Variants in EMSY observed in about 807,000 individuals in gnomAD.
The protein encoded by EMSY is BRCA2-interacting transcriptional repressor EMSY.
EMSY carries 26 observed loss-of-function variants against 134.6 expected under a neutral mutation model. The ratio of observed to expected loss-of-function variants is 0.19; its 90% confidence interval spans 0.14 to 0.27. The LOEUF is 0.27. EMSY is among the 10% of genes least tolerant of loss of function. The probability of loss-of-function intolerance (pLI) is 1.00; values close to 1 mark genes in which losing one functional copy is unlikely to be tolerated. For missense variants in EMSY, 1,305 were observed against 1,611.4 expected, an observed-to-expected ratio of 0.81 and a Z score of 3.26; for synonymous variants, 579 against 577.8, an observed-to-expected ratio of 1.00 and a Z score of -0.03.
intron 4 of EMSY, 66 bp downstream of exon 5, chr11:76,454,856 A>G (rs965104346): frequency 3.4e-5 from 39 of 1,160,888 alleles, no homozygotes; most frequent in Middle Eastern, 2.0e-4. Flanking sequence ...GAAGCTCTCA[A>G]TTATTCAGGG....
chr11:76,539,613 G>A (rs762068847), exon 17 of EMSY: 2 of 1,613,904 alleles, frequency 1.2e-6, no homozygotes, highest in Non-Finnish European at 8.5e-7. Context: ...CACTGATGAG[G>A]GGACAGAGGT....
intron 7 of EMSY, among the ~76,000 whole-genome samples, chr11:76,472,228 A>C (rs1035373524): frequency 3.3e-5 from 5 of 152,166 alleles, no homozygotes; most frequent in African/African-American, 1.2e-4. Context: ...GTGCTCAATA[A>C]ATATTTATAA....
chr11:76,463,691 A>G lies in EMSY; in HGVS notation c.572-130A>G, dbSNP rs1464822086. ...TCAGAGACCACTTCTCTGAGGGAAG[A>G]TTGATAGAACTTATTGGCTAATGGC... On this transcript the variant is annotated intron_variant, in intron 6 of 20. Coordinates refer to ENST00000334736, the Ensembl canonical transcript of EMSY. The G allele has an allele frequency of 1.4e-5, 14 of 985,938 alleles. No homozygotes were observed. In the African/African-American group the frequency reaches 1.7e-4, roughly 12 times the overall value. 61.1% of individuals were successfully genotyped at this position (985,938 alleles called of 1,614,324 possible).
At chr11:76,518,491 A>G (rs1950527648) in intron 11 of EMSY, among the ~76,000 whole-genome samples, 1 of 151,584 alleles carries the variant, frequency 6.6e-6, no homozygotes, top group African/African-American at 2.4e-5. Flanking sequence ...ACACTCAAAC[A>G]TCTAGCTATA....
At chr11:76,461,229 TA>T (rs1948104673) in intron 6 of EMSY, among the ~76,000 whole-genome samples, 1 of 152,168 alleles carries the variant, frequency 6.6e-6, no homozygotes. Flanking sequence ...TGGAGGTGAT[TA>T]ATATTTGATT....
At chr11:76,544,433 A>T in exon 19 of EMSY, 4 of 1,614,058 alleles carry the variant, frequency 2.5e-6, no homozygotes, top group Non-Finnish European at 3.4e-6. Context: ...GCTGGAACAG[A>T]CTCAGCTGCA....
chr11:76,461,056 A>C (rs1382896200), intron 6 of EMSY: 1 of 152,294 alleles, frequency 6.6e-6, no homozygotes, highest in African/African-American at 2.4e-5. Context: ...TGGAAAGTCC[A>C]AGTTTGGGTG....
intron 14 of EMSY, among the ~76,000 whole-genome samples, chr11:76,532,267 A>G (rs1344614510): frequency 6.6e-6 from 1 of 152,182 alleles, no homozygotes; most frequent in African/African-American, 2.4e-5. Flanking sequence ...GAATGAACAA[A>G]TAGCAGAGCA....
At chr11:76,445,914 G>A (rs1947366863) in intron 1 of EMSY, among the ~76,000 whole-genome samples, 1 of 152,158 alleles carries the variant, frequency 6.6e-6, no homozygotes, top group African/African-American at 2.4e-5. Context: ...TTTGTTCTGA[G>A]CTGAGAGGAC....
At chr11:76,509,509 AAAAC>A (rs1466867783) in intron 9 of EMSY, among the ~76,000 whole-genome samples, 2 of 152,232 alleles carry the variant, frequency 1.3e-5, no homozygotes, top group African/African-American at 2.4e-5. Flanking sequence ...ACAAAAAACA[AAAAC>A]AAACAGACAA....
chr11:76,445,588 T>C (rs1947347142), intron 1 of EMSY, among the ~76,000 whole-genome samples: 2 of 152,032 alleles, frequency 1.3e-5, no homozygotes, highest in African/African-American at 4.8e-5. Flanking sequence ...GGGGCGGGCT[T>C]GTCTCCTTGA....
At chr11:76,535,910 T>C in exon 15 of EMSY, 1 of 1,539,698 alleles carries the variant, frequency 6.5e-7, no homozygotes. Context: ...CAGCCTGTAG[T>C]TCATGTAATT....
chr11:76,504,834 A>C (rs1410044747), intron 9 of EMSY, among the ~76,000 whole-genome samples: 1 of 152,234 alleles, frequency 6.6e-6, no homozygotes, highest in Non-Finnish European at 1.5e-5. Context: ...AAAAGGAATG[A>C]AGTACTAACA....
intron 8 of EMSY, among the ~76,000 whole-genome samples, chr11:76,487,122 T>C (rs959278061): frequency 2.0e-5 from 3 of 151,914 alleles, no homozygotes; most frequent in Admixed American, 6.5e-5. Context: ...CTAAACAAAA[T>C]ACAAAAAATT....
At chr11:76,528,442 A>G (rs1950919879) in exon 14 of EMSY, 3 of 1,609,700 alleles carry the variant, frequency 1.9e-6, no homozygotes, top group Non-Finnish European at 2.6e-6. Flanking sequence ...TTCCTCTTCT[A>G]CAGAGTCCTC....
chr11:76,546,576 C>A (rs1054252664), intron 20 of EMSY, among the ~76,000 whole-genome samples: 1 of 152,160 alleles, frequency 6.6e-6, no homozygotes, highest in Non-Finnish European at 1.5e-5. Context: ...TTGTAAGATA[C>A]AAGCTATACT....
intron 20 of EMSY, among the ~76,000 whole-genome samples, chr11:76,547,564 C>T (rs1951698962): frequency 6.6e-6 from 1 of 152,170 alleles, no homozygotes; most frequent in South Asian, 2.1e-4. Flanking sequence ...TTGGATTTCT[C>T]ATCAGTAAAA....
intron 4 of EMSY, among the ~76,000 whole-genome samples, chr11:76,457,266 T>C (rs904089834): frequency 7.2e-5 from 11 of 152,168 alleles, no homozygotes; most frequent in African/African-American, 2.7e-4. Flanking sequence ...GAACCTATGG[T>C]TTCAAATGCA....
intron 2 of EMSY, among the ~76,000 whole-genome samples, chr11:76,451,411 G>A (rs1264499898): frequency 6.6e-6 from 1 of 152,178 alleles, no homozygotes. Context: ...ACTATTTACA[G>A]TACTTTCGAT....
Sources: gnomAD v4.1 joint callset for allele counts (sites outside exome capture counted in the v4.1 genomes callset) on GRCh38, gnomAD v4.1.1 for gene constraint, MANE v1.5 for transcripts, NCBI Gene and HGNC (gene_info 2026-07-23, HGNC 2026-07-21) for gene names.